Variants in GABRB3 observed in about 807,000 individuals in gnomAD.
GABRB3 encodes the protein gamma-aminobutyric acid receptor subunit beta-3.
GABRB3 carries 14 observed loss-of-function variants against 52.1 expected under a neutral mutation model. That is an observed-to-expected ratio of 0.27 (90% CI 0.18 to 0.42). The LOEUF (loss-of-function observed/expected upper bound fraction) is 0.42, where lower values mean the gene tolerates loss of function less well. GABRB3 is among the 10% of genes least tolerant of loss of function. The probability of loss-of-function intolerance (pLI) is 1.00; values close to 1 mark genes in which losing one functional copy is unlikely to be tolerated. For synonymous variants in GABRB3, 260 were observed against 232.3 expected (o/e 1.12, Z -1.08); for missense variants, 307 against 609.1 (o/e 0.50, Z 5.22).
At chr15:26,755,334 A>G (rs116405442) in intron 3 of GABRB3, among the ~76,000 whole-genome samples, 2,442 of 152,166 alleles carry the variant, frequency 0.016, 56 homozygotes, top group African/African-American at 0.055. Flanking sequence ...CCAACTTCTT[A>G]GGCCTGACTT....
At chr15:26,641,683 A>C (rs1893205732) in intron 3 of GABRB3, among the ~76,000 whole-genome samples, 1 of 152,152 alleles carries the variant, frequency 6.6e-6, no homozygotes. Context: ...CTACTCTACC[A>C]GTTCATGGCT....
In GABRB3 at chr15:26,751,700, G is replaced by A. The variant is rs928234810; in HGVS notation, c.240+20702C>T. Among the ~76,000 whole-genome samples, 6 of 152,180 alleles carry A rather than the reference G, an allele frequency of 3.9e-5. 1 individual carries two copies. The South Asian group carries it at 1.2e-3, about 32-fold the overall frequency. ...TAAGGGGGTCCTTTATGTTACTGTT[G>A]ATTCAGCATTCCAGTAAATAAATTT... On this transcript the variant is annotated intron_variant, in intron 3 of 8. Transcript: ENST00000311550.
Position 26,773,029 on chromosome 15 carries a change from G to A in GABRB3, c.-67C>T. On this transcript the variant is annotated 5_prime_UTR_variant, in exon 1 of 9. Coordinates refer to ENST00000311550, the MANE Select transcript of GABRB3 (RefSeq NM_000814.6). The stretch of plus-strand genomic sequence containing the variant: ...GCCGTCGCGACCCGCAGCCGGGGCT[G>A]CTCCTGCTGCTGCCGCCGCCGCCGC... 1 of 1,075,538 alleles carries A rather than the reference G, an allele frequency of 9.3e-7. No homozygotes were observed. 66.6% of individuals were successfully genotyped at this position (1,075,538 alleles called of 1,614,324 possible).
chr15:26,637,204 G>A (rs766899499), intron 3 of GABRB3, among the ~76,000 whole-genome samples: 1 of 151,954 alleles, frequency 6.6e-6, no homozygotes, highest in Non-Finnish European at 1.5e-5. Flanking sequence ...AACAACCCAG[G>A]CATCCTTCCA....
intron 3 of GABRB3, among the ~76,000 whole-genome samples, chr15:26,698,570 A>C (rs1348010268): frequency 2.0e-5 from 3 of 152,214 alleles, no homozygotes; most frequent in Non-Finnish European, 4.4e-5. Flanking sequence ...AAAAGAGAAA[A>C]AATTTTAATG....
intron 4 of GABRB3, among the ~76,000 whole-genome samples, chr15:26,601,594 TC>T (rs1034688603): frequency 1.3e-5 from 2 of 152,002 alleles, no homozygotes; most frequent in African/African-American, 4.8e-5. Context: ...GATTAACTAT[TC>T]AAAAAAAGAG....
intron 8 of GABRB3, among the ~76,000 whole-genome samples, chr15:26,548,779 T>G (rs1889353845): frequency 6.6e-6 from 1 of 152,226 alleles, no homozygotes; most frequent in Non-Finnish European, 1.5e-5. Context: ...AATGATAGCA[T>G]TTTATTCTGT....
Position 26,547,949 on chromosome 15 carries a change from C to T in GABRB3, c.1266G>A (p.Pro422=), listed in dbSNP as rs377621777. 10 of 1,613,992 alleles carry T rather than the reference C, an allele frequency of 6.2e-6. No individual in the cohort carries two copies. The highest frequency in any genetic ancestry group is 5.3e-5 in the African/African-American group (4 of 74,892). The part of the protein sequence containing the change: ...HGRFLGDRSL[P]HKKTHLRRRS... Reference sequence around the variant, plus strand: ...TCCTCCGTAGATGGGTCTTCTTGTGCGGGAGGCTTCTGTCCCCCAGGAATC... The same window carrying T: ...TCCTCCGTAGATGGGTCTTCTTGTGTGGGAGGCTTCTGTCCCCCAGGAATC... The change falls in exon 9 of 9, where the codon CCG becomes CCA. Residue 422 remains proline (P), a synonymous_variant. Transcript: ENST00000311550.
chr15:26,750,547 G>A (rs1188663293), intron 3 of GABRB3, among the ~76,000 whole-genome samples: 1 of 117,118 alleles, frequency 8.5e-6, no homozygotes, highest in Non-Finnish European at 2.0e-5. Context: ...TTCGAGGCAT[G>A]CTCAGTTAAA....
intron 3 of GABRB3, among the ~76,000 whole-genome samples, chr15:26,653,530 C>T (rs1465798675): frequency 6.6e-6 from 1 of 152,182 alleles, no homozygotes; most frequent in African/African-American, 2.4e-5. Flanking sequence ...CAAATTAATC[C>T]TTTAAACACT....
Position 26,625,267 on chromosome 15 carries a change from G to T in GABRB3, c.241-3733C>A, listed in dbSNP as rs185775417. 3.3e-3 allele frequency among the ~76,000 whole-genome samples: 509 copies of T among 152,166 alleles called. 2 individuals carry two copies. The highest frequency in any genetic ancestry group is 5.3e-3 in the Non-Finnish European group (360 of 68,000). Reference sequence around the variant, plus strand: ...GAGCATGGAGAGTCAGGTCATGCAGGGGGGTTCTTCAGGGCAGTAATCAGA... The same window carrying T: ...GAGCATGGAGAGTCAGGTCATGCAGTGGGGTTCTTCAGGGCAGTAATCAGA... On this transcript the variant is annotated intron_variant, in intron 3 of 8. Coordinates refer to ENST00000311550, the MANE Select transcript of GABRB3 (RefSeq NM_000814.6).
At chr15:26,682,560 C>T (rs1215106020) in intron 3 of GABRB3, among the ~76,000 whole-genome samples, 1 of 152,206 alleles carries the variant, frequency 6.6e-6, no homozygotes, top group Non-Finnish European at 1.5e-5. Flanking sequence ...CACTCTTGTG[C>T]TGGTAGGAGC....
At chr15:26,597,765 T>C (rs1891447734) in intron 4 of GABRB3, among the ~76,000 whole-genome samples, 1 of 152,250 alleles carries the variant, frequency 6.6e-6, no homozygotes. Flanking sequence ...TTCAATATTT[T>C]CCAAGTCAGA....
chr15:26,548,298 G>A (rs183333464), intron 8 of GABRB3, among the ~76,000 whole-genome samples, 164 bp from the exon 9 acceptor site: 1 of 152,228 alleles, frequency 6.6e-6, no homozygotes, highest in East Asian at 1.9e-4. Context: ...TCATTTTGGA[G>A]GTTAATTGCA....
At chr15:26,739,530 T>C (rs1376787960) in intron 3 of GABRB3, among the ~76,000 whole-genome samples, 2 of 152,132 alleles carry the variant, frequency 1.3e-5, no homozygotes, top group African/African-American at 4.8e-5. Flanking sequence ...TTCACCTTTC[T>C]ACACCAAATA....
intron 4 of GABRB3, among the ~76,000 whole-genome samples, chr15:26,583,644 T>C (rs1890868429): frequency 6.6e-6 from 1 of 152,092 alleles, no homozygotes; most frequent in Admixed American, 6.5e-5. Flanking sequence ...TATTTTATTA[T>C]ATATTTTTAA....
At chr15:26,667,627 G>A (rs1160805741) in intron 3 of GABRB3, among the ~76,000 whole-genome samples, 1 of 152,212 alleles carries the variant, frequency 6.6e-6, no homozygotes, top group Non-Finnish European at 1.5e-5. Flanking sequence ...TAATCACTGA[G>A]TTAAAACAAT....
chr15:26,703,771 A>G (rs1889010763), intron 3 of GABRB3, among the ~76,000 whole-genome samples: 1 of 152,232 alleles, frequency 6.6e-6, no homozygotes, highest in Non-Finnish European at 1.5e-5. Flanking sequence ...AAAGGGGGCA[A>G]GCATTACATC....
chr15:26,607,808 C>A (rs546065832), intron 4 of GABRB3, among the ~76,000 whole-genome samples: 1 of 151,942 alleles, frequency 6.6e-6, no homozygotes, highest in East Asian at 1.9e-4. Context: ...CAAACTATAA[C>A]ATTCACAAAA....
Sources: gnomAD v4.1 joint callset for allele counts (sites outside exome capture counted in the v4.1 genomes callset) on GRCh38, gnomAD v4.1.1 for gene constraint, MANE v1.5 for transcripts, NCBI Gene and HGNC (gene_info 2026-07-23, HGNC 2026-07-21) for gene names.